TMEM163: variants seen among roughly 807,000 people sequenced by gnomAD.
TMEM163 encodes transmembrane protein 163.
In TMEM163, 17 loss-of-function variants were observed where a neutral mutation model predicts 29.3. The ratio of observed to expected loss-of-function variants is 0.58; its 90% CI spans 0.40 to 0.87. The LOEUF is 0.87. TMEM163 is among the 40% of genes least tolerant of loss of function. TMEM163 has a pLI of 0.00. For synonymous variants in TMEM163, 157 were observed against 160.6 expected, an observed-to-expected ratio of 0.98 and a Z score of 0.17; for missense variants, 303 against 381.5, an observed-to-expected ratio of 0.79 and a Z score of 1.71.
chr2:134,553,538 T>C (rs947137928), intron 2 of TMEM163, among the ~76,000 whole-genome samples: 1 of 152,168 alleles, frequency 6.6e-6, no homozygotes, highest in Non-Finnish European at 1.5e-5. Flanking sequence ...AAGGCAAGCA[T>C]GGGAAAGCCA....
At chr2:134,486,117 A>G (rs1482554922) in intron 5 of TMEM163, among the ~76,000 whole-genome samples, 2 of 152,202 alleles carry the variant, frequency 1.3e-5, no homozygotes, top group African/African-American at 2.4e-5. Context: ...TAAAAATACA[A>G]TATGGAGAAG....
chr2:134,508,058 T>C (rs1679865429), intron 4 of TMEM163, among the ~76,000 whole-genome samples: 1 of 152,224 alleles, frequency 6.6e-6, no homozygotes, highest in Admixed American at 6.5e-5. Flanking sequence ...TCTGAAGTTA[T>C]AAGGGCAAAA....
chr2:134,693,916 G>A lies in TMEM163; in HGVS notation c.322+19284C>T, dbSNP rs76590712. Among the ~76,000 whole-genome samples the A allele has an allele frequency of 2.6e-5, 4 of 152,248 alleles. No homozygotes were observed. In the East Asian group the frequency reaches 5.8e-4, roughly 22 times the overall value. ...GGTGACAAAACAACACAATAAGCTCGCACTGCAGATCTGTCTTGTGAACAA... is the reference window on the plus strand; with the variant it reads ...GGTGACAAAACAACACAATAAGCTCACACTGCAGATCTGTCTTGTGAACAA... On this transcript the variant is annotated intron_variant, in intron 2 of 7. Transcript: ENST00000281924.
chr2:134,537,302 C>A (rs1680562189), intron 4 of TMEM163, among the ~76,000 whole-genome samples: 1 of 152,220 alleles, frequency 6.6e-6, no homozygotes, highest in African/African-American at 2.4e-5. Context: ...ACTGACTGGG[C>A]AGCTTAAGCA....
At chr2:134,517,601 T>G (rs1015945869) in intron 4 of TMEM163, among the ~76,000 whole-genome samples, 1 of 152,158 alleles carries the variant, frequency 6.6e-6, no homozygotes, top group Non-Finnish European at 1.5e-5. Context: ...TTCACTAAAC[T>G]GGAAGCAGAG....
At chr2:134,536,597 A>G (rs1680545356) in intron 4 of TMEM163, among the ~76,000 whole-genome samples, 1 of 152,160 alleles carries the variant, frequency 6.6e-6, no homozygotes. Context: ...AGAGCCTCTA[A>G]ACCTCCATCT....
At chr2:134,569,081 C>T (rs1252609652) in intron 2 of TMEM163, among the ~76,000 whole-genome samples, 2 of 152,132 alleles carry the variant, frequency 1.3e-5, no homozygotes, top group Non-Finnish European at 2.9e-5. Flanking sequence ...TCTACATGAA[C>T]CAGAACAATT....
At chr2:134,550,488 G>T in intron 4 of TMEM163, 82 bp downstream of exon 4, 1 of 1,338,812 alleles carries the variant, frequency 7.5e-7, no homozygotes, top group Non-Finnish European at 1.1e-6. Flanking sequence ...AAAGCTGCAG[G>T]GCAAGCTGTG....
chr2:134,657,363 A>G (rs1209489028), intron 2 of TMEM163, among the ~76,000 whole-genome samples: 2 of 152,248 alleles, frequency 1.3e-5, no homozygotes, highest in Admixed American at 6.5e-5. Context: ...CAGCCATAGA[A>G]AAGAAGAAAA....
intron 5 of TMEM163, among the ~76,000 whole-genome samples, chr2:134,475,326 T>G (rs978304584): frequency 2.0e-5 from 3 of 152,112 alleles, no homozygotes; most frequent in Non-Finnish European, 2.9e-5. Context: ...CAGAAAGAAA[T>G]AAATCCTGAT....
At chr2:134,518,184 C>A (rs1383200926) in intron 4 of TMEM163, among the ~76,000 whole-genome samples, 5 of 152,312 alleles carry the variant, frequency 3.3e-5, no homozygotes, top group Admixed American at 1.3e-4. Context: ...TACCAATACA[C>A]CAGAGCCTCA....
chr2:134,687,045 G>T lies in TMEM163; in HGVS notation c.322+26155C>A, dbSNP rs1187684452. 2.6e-5 allele frequency among the ~76,000 whole-genome samples: 4 copies of T among 152,286 alleles called. No individual in the cohort carries two copies. The East Asian group carries it at 7.7e-4, about 29-fold the overall frequency. ...TATCTTCCAAAGCTATAAGCAAACT[G>T]CCTTTTGCTCTGGCGGAAGACACTA... On this transcript the variant is annotated intron_variant, in intron 2 of 7. Coordinates refer to ENST00000281924, the MANE Select transcript of TMEM163 (RefSeq NM_030923.5).
At chr2:134,512,561 A>G (rs1422441509) in intron 4 of TMEM163, among the ~76,000 whole-genome samples, 2 of 152,240 alleles carry the variant, frequency 1.3e-5, no homozygotes, top group African/African-American at 4.8e-5. Context: ...TCCAGGGAAA[A>G]GGAAGGCAAG....
At chr2:134,471,261 A>T (rs537911491) in intron 5 of TMEM163, among the ~76,000 whole-genome samples, 1 of 152,182 alleles carries the variant, frequency 6.6e-6, no homozygotes, top group African/African-American at 2.4e-5. Flanking sequence ...CCTAACCCCA[A>T]TGTGATAGTA....
chr2:134,472,399 C>T (rs1383612026), intron 5 of TMEM163, among the ~76,000 whole-genome samples: 1 of 152,118 alleles, frequency 6.6e-6, no homozygotes, highest in African/African-American at 2.4e-5. Context: ...GGCTCAAATG[C>T]TCATAAAAGA....
intron 4 of TMEM163, among the ~76,000 whole-genome samples, chr2:134,521,464 G>A (rs1226798510): frequency 1.3e-5 from 2 of 152,170 alleles, no homozygotes; most frequent in Non-Finnish European, 2.9e-5. Context: ...AGAGCTCAGG[G>A]ATGCTGCGAT....
intron 2 of TMEM163, among the ~76,000 whole-genome samples, chr2:134,656,367 G>A (rs949854244): frequency 6.6e-6 from 1 of 151,774 alleles, no homozygotes; most frequent in Admixed American, 6.6e-5. Flanking sequence ...CTGACCCCTC[G>A]CGCTTCCCAG....
chr2:134,500,725 C>A (rs1679679362), intron 5 of TMEM163, among the ~76,000 whole-genome samples: 2 of 151,832 alleles, frequency 1.3e-5, no homozygotes, highest in Admixed American at 1.3e-4. Context: ...AAGCCAGACA[C>A]ACAAAGACAA....
chr2:134,514,894 T>C (rs2106492448), intron 4 of TMEM163, among the ~76,000 whole-genome samples: 1 of 152,348 alleles, frequency 6.6e-6, no homozygotes, highest in East Asian at 1.9e-4. Context: ...GGAGAGGAGC[T>C]ATTCCTTCTG....
Sources: allele counts gnomAD v4.1 joint callset (sites outside exome capture counted in the v4.1 genomes callset), GRCh38; gene constraint gnomAD v4.1.1; transcripts MANE v1.5; gene names NCBI Gene and HGNC (gene_info 2026-07-23, HGNC 2026-07-21).